NOL4L: variants seen among roughly 807,000 people sequenced by gnomAD.
The protein encoded by NOL4L is nucleolar protein 4 like.
A neutral mutation model predicts 64.5 loss-of-function variants in NOL4L; 7 were observed. That is an observed-to-expected ratio of 0.11 (90% confidence interval 0.06 to 0.20). NOL4L has a LOEUF of 0.20. Among genes scored for constraint, NOL4L ranks in the 10% least tolerant of loss-of-function variants. The pLI is 1.00. For missense variants in NOL4L, 680 were observed against 967.1 expected (o/e 0.70, Z 3.94); for synonymous variants, 413 against 401.0 (o/e 1.03, Z -0.36).
intron 10 of NOL4L, among the ~76,000 whole-genome samples, chr20:32,449,079 T>G (rs1425743644): frequency 6.6e-6 from 1 of 152,206 alleles, no homozygotes; most frequent in Non-Finnish European, 1.5e-5. Context: ...CCAGGAGACC[T>G]GGAAGCTCCT....
chr20:32,515,950 A>G (rs961626038), intron 3 of NOL4L, among the ~76,000 whole-genome samples: 1 of 152,214 alleles, frequency 6.6e-6, no homozygotes, highest in African/African-American at 2.4e-5. Context: ...CTCGAGAATA[A>G]TCAATGATGT....
At chr20:32,510,849 C>T (rs1419897123) in intron 4 of NOL4L, among the ~76,000 whole-genome samples, 3 of 152,138 alleles carry the variant, frequency 2.0e-5, no homozygotes, top group Non-Finnish European at 4.4e-5. Flanking sequence ...TGGTGTCTCA[C>T]GGCCCTTGGC....
intron 1 of NOL4L, among the ~76,000 whole-genome samples, chr20:32,574,746 C>T (rs867109759): frequency 4.8e-4 from 73 of 152,066 alleles, no homozygotes; most frequent in Non-Finnish European, 8.2e-4. Context: ...AGAGGGGGCC[C>T]GGGTAACACG....
intron 1 of NOL4L, among the ~76,000 whole-genome samples, chr20:32,532,735 A>T (rs2018388466): frequency 6.6e-6 from 1 of 152,208 alleles, no homozygotes; most frequent in Non-Finnish European, 1.5e-5. Context: ...AGGCTGGATC[A>T]AGAAGGGACT....
chr20:32,557,799 T>C (rs1313379662), intron 1 of NOL4L, among the ~76,000 whole-genome samples: 1 of 152,240 alleles, frequency 6.6e-6, no homozygotes, highest in Non-Finnish European at 1.5e-5. Context: ...GCGCGGTGGC[T>C]CATGCCTGTA....
intron 1 of NOL4L, among the ~76,000 whole-genome samples, chr20:32,571,577 C>T (rs747356848): frequency 3.3e-5 from 5 of 152,174 alleles, no homozygotes; most frequent in Non-Finnish European, 7.3e-5. Context: ...TTTCGTGCAC[C>T]TTCACCCACC....
intron 4 of NOL4L, among the ~76,000 whole-genome samples, chr20:32,488,447 G>A (rs2016189641): frequency 6.6e-6 from 1 of 152,184 alleles, no homozygotes; most frequent in South Asian, 2.1e-4. Context: ...TTGGTAGATG[G>A]TAGCTTTTAT....
chr20:32,583,441 G>C (rs2145630094), intron 1 of NOL4L, among the ~76,000 whole-genome samples: 1 of 149,236 alleles, frequency 6.7e-6, no homozygotes, highest in East Asian at 2.0e-4. Flanking sequence ...GGGCCGGCCG[G>C]GGGAGGAGCG....
chr20:32,502,681 C>T (rs188111404), intron 4 of NOL4L, among the ~76,000 whole-genome samples: 4 of 151,700 alleles, frequency 2.6e-5, no homozygotes, highest in Admixed American at 6.6e-5. Context: ...GAAGCCGAGG[C>T]GGGTGGATCA....
intron 5 of NOL4L, among the ~76,000 whole-genome samples, chr20:32,471,375 GCAGA>G: frequency 6.7e-6 from 1 of 149,228 alleles, no homozygotes; most frequent in South Asian, 2.1e-4. Context: ...GGGAGTGAGA[GCAGA>G]CACTCACCCC....
chr20:32,497,235 G>A (rs946085441), intron 4 of NOL4L, among the ~76,000 whole-genome samples: 29 of 144,288 alleles, frequency 2.0e-4, no homozygotes, highest in African/African-American at 6.5e-4. Flanking sequence ...CAAAGCCCTG[G>A]CCCACCCACC....
chr20:32,534,677 C>T (rs960361848), intron 1 of NOL4L, among the ~76,000 whole-genome samples: 7 of 151,684 alleles, frequency 4.6e-5, no homozygotes, highest in Non-Finnish European at 1.0e-4. Flanking sequence ...ATACGGTGAC[C>T]CCCACTCCCC....
At chr20:32,490,079 G>T (rs1319558140) in intron 4 of NOL4L, among the ~76,000 whole-genome samples, 1 of 129,340 alleles carries the variant, frequency 7.7e-6, no homozygotes, top group Admixed American at 8.1e-5. Context: ...CAGTAAGCCG[G>T]GATCATGCCA....
chr20:32,511,975 T>A (rs1401295978), intron 3 of NOL4L, among the ~76,000 whole-genome samples: 2 of 152,098 alleles, frequency 1.3e-5, no homozygotes, highest in African/African-American at 4.8e-5. Flanking sequence ...ATGGCACCAC[T>A]GCACTCCAGC....
intron 6 of NOL4L, among the ~76,000 whole-genome samples, chr20:32,454,717 T>C (rs1255981731): frequency 6.6e-6 from 1 of 152,248 alleles, no homozygotes; most frequent in Non-Finnish European, 1.5e-5. Context: ...TGACTGACAG[T>C]AGCCTGGGGA....
At chr20:32,485,439 A>G in intron 4 of NOL4L, 1 of 236,950 alleles carries the variant, frequency 4.2e-6, no homozygotes, top group South Asian at 4.6e-5. Context: ...ATGACAAGAC[A>G]TCACATTAGC....
intron 4 of NOL4L, 44 bp from the exon 5 acceptor site, chr20:32,474,786 C>T (rs1568629319): frequency 6.5e-7 from 1 of 1,544,928 alleles, no homozygotes; most frequent in South Asian, 1.2e-5. Context: ...GGGACGGGCT[C>T]TCATCAGCCT....
intron 1 of NOL4L, among the ~76,000 whole-genome samples, chr20:32,536,771 G>A (rs1245479343): frequency 7.3e-6 from 1 of 136,346 alleles, no homozygotes; most frequent in South Asian, 2.5e-4. Flanking sequence ...CAGGGGGGAC[G>A]GCTCCGCGGC....
intron 4 of NOL4L, among the ~76,000 whole-genome samples, chr20:32,479,078 T>C (rs1006272513): frequency 2.0e-5 from 3 of 152,190 alleles, no homozygotes; most frequent in Non-Finnish European, 4.4e-5. Context: ...AGTTCATGGG[T>C]GTAAGCCCCC....
Sources: allele counts gnomAD v4.1 joint callset (sites outside exome capture counted in the v4.1 genomes callset), GRCh38; gene constraint gnomAD v4.1.1; transcripts MANE v1.5; gene names NCBI Gene and HGNC (gene_info 2026-07-23, HGNC 2026-07-21).